Variants in FBRSL1 observed in about 807,000 individuals in gnomAD.
FBRSL1 encodes the protein fibrosin-1-like protein.
In FBRSL1, 51 loss-of-function variants were observed where a neutral mutation model predicts 89.6. That is an observed-to-expected ratio of 0.57 (90% CI 0.45 to 0.72). FBRSL1 has a LOEUF of 0.72. FBRSL1 is among the 30% of genes least tolerant of loss of function. The pLI, the probability that FBRSL1 is intolerant of heterozygous loss-of-function variation, is 0.00. For missense variants in FBRSL1, 1,618 were observed against 1,451.8 expected (o/e 1.11, Z -1.86); for synonymous variants, 779 against 681.1 (o/e 1.14, Z -2.24).
In FBRSL1 at chr12:132,571,356, C is replaced by T. The variant is rs569489036; in HGVS notation, c.1377+125C>T. 59 of 1,550,482 alleles carry T rather than the reference C, an allele frequency of 3.8e-5. No individual in the cohort carries two copies. In the East Asian group the frequency reaches 9.5e-4, roughly 25 times the overall value. ...TGAACACGCGGTTTCTGGTGCAGAG[C>T]GCCGAGCGGCCTGGCGCCTCCCTGG... is the stretch of plus-strand genomic sequence containing the variant. On this transcript the variant is annotated intron_variant, in intron 9 of 18. Transcript: ENST00000680143.
Position 132,574,521 on chromosome 12 carries a change from T to TGCAGATCGCCTG in FBRSL1, c.1666_1677dup (p.Ala556_Ile559dup). 2.6e-6 allele frequency: 4 copies of TGCAGATCGCCTG among 1,550,190 alleles called. No individual in the cohort carries two copies. Among genetic ancestry groups the TGCAGATCGCCTG allele is most frequent in the Non-Finnish European group, 2.6e-6 (3 of 1,146,816 alleles). On this transcript the variant is annotated inframe_insertion, in exon 14 of 19. Transcript: ENST00000680143. The stretch of plus-strand genomic sequence containing the variant: ...CCGGGGAGGTGGTGTGCCGTGCACG[T>TGCAGATCGCCTG]GCAGATCGCCTGGCAGATCTACCGT...
chr12:132,539,613 C>T (rs1238410930), intron 4 of FBRSL1, among the ~76,000 whole-genome samples: 4 of 98,048 alleles, frequency 4.1e-5, no homozygotes, highest in African/African-American at 1.3e-4. Context: ...CCTCCAGCCC[C>T]GTGCCCGCCC....
rs2040919096 is a variant in FBRSL1, at chr12:132,583,297, A to G, written c.2528A>G (p.Glu843Gly). The stretch of plus-strand genomic sequence containing the variant: ...CCCCTGCAGCTCGGCCTGGGCCGCG[A>G]GCGCCTGGGCGCGCCGGGCTTCGCG... ...PAPLQLGLGR[E>G]RLGAPGFAWE... Residue 843 changes from glutamate (E) to glycine (G), a missense_variant, in exon 19 of 19, where the codon GAG becomes GGG. Glu to Gly is a moderately conservative substitution (Grantham distance 98). Coordinates refer to ENST00000680143, the MANE Select transcript of FBRSL1 (RefSeq NM_001367871.1). 1.8e-6 allele frequency: 2 copies of G among 1,130,974 alleles called. No individual in the cohort carries two copies. Among genetic ancestry groups the G allele is most frequent in the African/African-American group, 1.6e-5 (1 of 60,706 alleles). 70.1% of individuals were successfully genotyped at this position (1,130,974 alleles called of 1,614,324 possible).
chr12:132,576,190 C>T (rs1225073408), intron 14 of FBRSL1, among the ~76,000 whole-genome samples: 1 of 135,094 alleles, frequency 7.4e-6, no homozygotes, highest in African/African-American at 2.9e-5. Flanking sequence ...CATGCTTTTT[C>T]AGTTTCTTTT....
At chr12:132,580,419 T>G (rs2040664931) in intron 15 of FBRSL1, among the ~76,000 whole-genome samples, 1 of 114,164 alleles carries the variant, frequency 8.8e-6, no homozygotes, top group African/African-American at 3.7e-5. Context: ...GGAGCAGCTC[T>G]GACCTCGCTG....
At chr12:132,557,545 G>C (rs905440766) in intron 5 of FBRSL1, among the ~76,000 whole-genome samples, 3 of 152,238 alleles carry the variant, frequency 2.0e-5, no homozygotes, top group African/African-American at 7.2e-5. Context: ...CAGGATCTCT[G>C]CCTGTTCCAG....
chr12:132,540,812 A>AGCCCAGAT (rs1384395967), intron 4 of FBRSL1, among the ~76,000 whole-genome samples: 6 of 150,424 alleles, frequency 4.0e-5, no homozygotes, highest in Non-Finnish European at 7.5e-5. Flanking sequence ...TGGCCCCACA[A>AGCCCAGAT]GCCCAGATCC....
Position 132,583,167 on chromosome 12 carries a change from G to A in FBRSL1, c.2398G>A (p.Ala800Thr), listed in dbSNP as rs1450614547. 4.8e-6 allele frequency: 7 copies of A among 1,459,510 alleles called. No homozygotes were observed. The highest frequency in any genetic ancestry group is 4.8e-5 in the Admixed American group (2 of 41,654). 90.4% of individuals were successfully genotyped at this position (1,459,510 alleles called of 1,614,324 possible). A position where few individuals can be genotyped will look rare whatever the true frequency, so the allele number is the denominator to read the frequency against. Residue 800 changes from alanine (A) to threonine (T), a missense_variant, in exon 19 of 19, where the codon GCA becomes ACA. Physicochemically the swap from Ala to Thr is moderately conservative, Grantham distance 58. Coordinates refer to ENST00000680143, the MANE Select transcript of FBRSL1 (RefSeq NM_001367871.1). ...KEEAAKMPAR[A>T]SPPHSKAAPG... ...GGAGGCCGCCAAGATGCCCGCGCGC[G>A]CATCCCCGCCCCACAGCAAGGCGGC...
chr12:132,529,700 CCCCTGGGCTCTTCTCTGCCA>C (rs1566149654), intron 4 of FBRSL1, among the ~76,000 whole-genome samples: 1 of 68,062 alleles, frequency 1.5e-5, no homozygotes, highest in Non-Finnish European at 2.9e-5. Flanking sequence ...GGGCTCTGCC[CCCCTGGGCTCTTCTCTGCCA>C]CCCTGGGCTC....
intron 5 of FBRSL1, among the ~76,000 whole-genome samples, chr12:132,561,902 GGGCCCA>G (rs918167034): frequency 1.8e-4 from 28 of 152,170 alleles, no homozygotes; most frequent in African/African-American, 6.0e-4. Flanking sequence ...GCTGTGTGAG[GGGCCCA>G]GATTTGGGAG....
chr12:132,506,076 A>G (rs974091736), intron 1 of FBRSL1, among the ~76,000 whole-genome samples: 1 of 152,074 alleles, frequency 6.6e-6, no homozygotes, highest in Non-Finnish European at 1.5e-5. Context: ...GTTCTCTAGA[A>G]TGTTCACTCA....
Position 132,527,406 on chromosome 12 carries a change from G to T in FBRSL1, c.580-547G>T, listed in dbSNP as rs143720275. On this transcript the variant is annotated intron_variant, in intron 3 of 18. Transcript: ENST00000680143. ...TTTGGATCCCAGAGCTGCTGCAGGG[G>T]AGCCTCAGACTGGCTGGGCCCCTCA... is the stretch of plus-strand genomic sequence containing the variant. 9.0e-3 allele frequency among the ~76,000 whole-genome samples: 1,378 copies of T among 152,322 alleles called. 21 individuals are homozygous for T. The highest frequency in any genetic ancestry group is 0.032 in the African/African-American group (1,320 of 41,572).
chr12:132,502,109 T>A (rs1212362701), intron 1 of FBRSL1, among the ~76,000 whole-genome samples: 3 of 152,234 alleles, frequency 2.0e-5, no homozygotes, highest in Non-Finnish European at 2.9e-5. Context: ...ACTCAGTGTG[T>A]TGACCACCAT....
chr12:132,570,331 G>A lies in FBRSL1; in HGVS notation c.1008-4G>A, dbSNP rs950049412. On this transcript the variant is annotated splice_polypyrimidine_tract_variant and splice_region_variant and intron_variant, in intron 7 of 18. Coordinates refer to ENST00000680143, the MANE Select transcript of FBRSL1 (RefSeq NM_001367871.1). ...TGGCAGGCACTGAGCCCCGTGTCCC[G>A]CAGCAGGAGCAGCAGCGCCCCCCTG... 45 of 1,528,784 alleles carry A rather than the reference G, an allele frequency of 2.9e-5. No individual in the cohort carries two copies. Among genetic ancestry groups the A allele is most frequent in the Non-Finnish European group, 3.7e-5 (42 of 1,143,158 alleles). The allele number at this position is 1,528,784 out of a possible 1,614,324, so 94.7% of individuals were successfully genotyped here. A position where few individuals can be genotyped will look rare whatever the true frequency, so the allele number is the denominator to read the frequency against.
chr12:132,579,225 T>C (rs763138703), intron 15 of FBRSL1, among the ~76,000 whole-genome samples: 1 of 152,216 alleles, frequency 6.6e-6, no homozygotes, highest in Non-Finnish European at 1.5e-5. Flanking sequence ...TTTTCTCTCT[T>C]CCATATAAAC....
intron 4 of FBRSL1, among the ~76,000 whole-genome samples, chr12:132,530,555 C>G (rs1430780065): frequency 2.0e-5 from 3 of 152,010 alleles, no homozygotes. Flanking sequence ...TCTCTCTGCC[C>G]TGAGCCACTG....
rs140794648 is a variant in FBRSL1 at position 132,542,183 on chromosome 12, G to A, written c.616-5820G>A. Among the ~76,000 whole-genome samples the A allele has an allele frequency of 4.7e-3, 720 of 152,338 alleles. 5 individuals carry two copies. Among genetic ancestry groups the A allele is most frequent in the African/African-American group, 0.017 (690 of 41,580 alleles). On this transcript the variant is annotated intron_variant, in intron 4 of 18. Transcript: ENST00000680143. Reference sequence around the variant, plus strand: ...GGCCAGGAACTGGCACACGCAGGACGCGCCACGGCACATGTGCACACGGCA... The same window carrying A: ...GGCCAGGAACTGGCACACGCAGGACACGCCACGGCACATGTGCACACGGCA...
At chr12:132,508,433 CG>C (rs1566113419) in intron 2 of FBRSL1, 83 bp downstream of exon 2, 1 of 1,391,610 alleles carries the variant, frequency 7.2e-7, no homozygotes, top group Non-Finnish European at 9.4e-7. Flanking sequence ...CTGGACACCA[CG>C]CCACGTGGCC....
Position 132,508,448 on chromosome 12 carries a change from G to T in FBRSL1, c.489+98G>T, listed in dbSNP as rs567842503. 2.7e-5 allele frequency: 34 copies of T among 1,282,674 alleles called. No individual in the cohort carries two copies. The Middle Eastern group carries it at 8.2e-4, about 31-fold the overall frequency. The allele number at this position is 1,282,674 out of a possible 1,614,324, so 79.5% of individuals were successfully genotyped here. A position where few individuals can be genotyped will look rare whatever the true frequency, so the allele number is the denominator to read the frequency against. The stretch of plus-strand genomic sequence containing the variant: ...CTGGACACCACGCCACGTGGCCCCC[G>T]GGCCTGCCTGGCAGCGCGCCCATCG... On this transcript the variant is annotated intron_variant, in intron 2 of 18. Transcript: ENST00000680143.
Sources: gnomAD v4.1 joint callset for allele counts (sites outside exome capture counted in the v4.1 genomes callset) on GRCh38, gnomAD v4.1.1 for gene constraint, MANE v1.5 for transcripts, NCBI Gene and HGNC (gene_info 2026-07-23, HGNC 2026-07-21) for gene names.